PCSK5: variants seen among roughly 807,000 people sequenced by gnomAD.
PCSK5 encodes the protein prohormone convertase 5.
A neutral mutation model predicts 233.2 loss-of-function variants in PCSK5; 129 were observed. The observed-to-expected ratio is 0.55, with a 90% confidence interval of 0.48 to 0.64. The LOEUF (loss-of-function observed/expected upper bound fraction) is 0.64. Among genes scored for constraint, PCSK5 ranks in the 30% least tolerant of loss-of-function variants. The pLI, the probability that PCSK5 is intolerant of heterozygous loss-of-function variation, is 0.00. For missense variants in PCSK5, 2,076 were observed against 2,430.1 expected (o/e 0.85, Z 3.06); for synonymous variants, 825 against 879.2 (o/e 0.94, Z 1.09).
chr9:76,323,418 C>G, intron 32 of PCSK5, 130 bp downstream of exon 32: 1 of 623,550 alleles, frequency 1.6e-6, no homozygotes, highest in South Asian at 2.0e-5. Flanking sequence ...AGGTCTCCCT[C>G]TATTGCCCAG....
At position 76,354,047 on chromosome 9, in the gene PCSK5, CTG is replaced by C; in HGVS notation, c.5085_5086del (p.Cys1695Ter). On this transcript the variant is annotated frameshift_variant, in exon 37 of 38. Coordinates refer to ENST00000674117, the MANE Select transcript of PCSK5 (RefSeq NM_001372043.1). LOFTEE classifies it high-confidence loss of function. ...GCTCTTAACAGGGAGAGAAGTTTAA[CTG>C]TGAAAAATGCCACGAGAGCTGCATG... ...YRVGEGEKFN[C>X]EKCHESCMEC... 1 of 1,609,000 alleles carries C rather than the reference CTG, an allele frequency of 6.2e-7. No individual in the cohort carries two copies.
In PCSK5 at chr9:75,930,140, G is replaced by C. The variant is rs1823714092; in HGVS notation, c.193-2239G>C. Among the ~76,000 whole-genome samples, 5 of 152,144 alleles carry C rather than the reference G, an allele frequency of 3.3e-5. No homozygotes were observed. The South Asian group carries it at 1.0e-3, about 32-fold the overall frequency. On this transcript the variant is annotated intron_variant, in intron 1 of 37. Transcript: ENST00000674117. ...GGCCTCCCAAAGTGCTAGGGTTATA[G>C]GCATGAGCCACTGTGCCCAGCTGAT...
intron 15 of PCSK5, among the ~76,000 whole-genome samples, chr9:76,179,922 T>C (rs1042161815): frequency 1.3e-5 from 2 of 151,844 alleles, no homozygotes; most frequent in African/African-American, 2.4e-5. Context: ...TGTGCATGTA[T>C]GCTGTGAAAC....
At chr9:75,897,491 T>TTC (rs1476498735) in intron 1 of PCSK5, among the ~76,000 whole-genome samples, 2 of 141,148 alleles carry the variant, frequency 1.4e-5, no homozygotes, top group South Asian at 2.2e-4. Flanking sequence ...TTTCTTTTCT[T>TTC]TTTTTTTTTT....
chr9:76,156,797 C>T (rs1431698071), intron 10 of PCSK5, among the ~76,000 whole-genome samples: 1 of 152,086 alleles, frequency 6.6e-6, no homozygotes, highest in Non-Finnish European at 1.5e-5. Flanking sequence ...TAGACTAGTG[C>T]CTGGCATGGA....
chr9:75,985,255 A>C (rs1239321041), intron 2 of PCSK5, among the ~76,000 whole-genome samples: 1 of 152,138 alleles, frequency 6.6e-6, no homozygotes, highest in Non-Finnish European at 1.5e-5. Context: ...TCCCATACAC[A>C]CCCCTACCAC....
chr9:75,968,344 C>T (rs749846012), intron 2 of PCSK5, among the ~76,000 whole-genome samples: 1 of 152,216 alleles, frequency 6.6e-6, no homozygotes, highest in South Asian at 2.1e-4. Flanking sequence ...CCTGTTATAT[C>T]GCTCGCGCGT....
chr9:76,188,904 C>T (rs1824231021), intron 18 of PCSK5, among the ~76,000 whole-genome samples, 190 bp from the exon 19 acceptor site: 1 of 152,218 alleles, frequency 6.6e-6, no homozygotes, highest in Admixed American at 6.5e-5. Context: ...TTTCAAAAGA[C>T]AGTGAATGTT....
At chr9:76,034,912 T>C (rs982432649) in intron 5 of PCSK5, among the ~76,000 whole-genome samples, 1 of 152,184 alleles carries the variant, frequency 6.6e-6, no homozygotes, top group Non-Finnish European at 1.5e-5. Context: ...CGAATTGAAG[T>C]TGCTGACCGA....
rs113455831 is a variant in PCSK5, at chr9:75,903,576, A to G, written c.192+12203A>G. Among the ~76,000 whole-genome samples, 321 of 66,782 alleles carry G rather than the reference A, an allele frequency of 4.8e-3. 5 individuals are homozygous for G. The highest frequency in any genetic ancestry group is 0.028 in the African/African-American group (238 of 8,592). The allele number at this position is 66,782 out of a possible 152,430, so 43.8% of individuals were successfully genotyped here. A position where few individuals can be genotyped will look rare whatever the true frequency, so the allele number is the denominator to read the frequency against. On this transcript the variant is annotated intron_variant, in intron 1 of 37. Transcript: ENST00000674117. ...TGTGTGTATATATGTGTGTGTGTGTATATATATATATAAAATATATATTAT... is the reference window on the plus strand; with the variant it reads ...TGTGTGTATATATGTGTGTGTGTGTGTATATATATATAAAATATATATTAT...
intron 8 of PCSK5, among the ~76,000 whole-genome samples, chr9:76,098,531 G>A (rs113339980): frequency 2.5e-3 from 382 of 152,282 alleles, no homozygotes; most frequent in African/African-American, 8.9e-3. Flanking sequence ...GTCCTGCATC[G>A]TGAAATTCCT....
In PCSK5 at chr9:76,194,726, T is replaced by TA. The variant is rs766329576; in HGVS notation, c.2626+4981dup. ...AGTGGCCAGAAACGATGAAATCTTA[T>TA]AGATCTTTTGACAGTTTCTCTGTTT... On this transcript the variant is annotated intron_variant, in intron 20 of 37. Coordinates refer to ENST00000674117, the MANE Select transcript of PCSK5 (RefSeq NM_001372043.1). The TA allele has an allele frequency of 1.5e-5, 7 of 463,296 alleles. No homozygotes were observed. The East Asian group carries it at 3.6e-4, about 24-fold the overall frequency. 28.7% of individuals were successfully genotyped at this position (463,296 alleles called of 1,614,324 possible).
At chr9:75,891,531 GCACA>G (rs34768107) in intron 1 of PCSK5, among the ~76,000 whole-genome samples, 158 bp downstream of exon 1, 17,311 of 148,582 alleles carry the variant, frequency 0.12, 1,125 homozygotes, top group African/African-American at 0.18. Flanking sequence ...GCGCGCGTAC[GCACA>G]CACACACACA....
chr9:76,204,071 G>T (rs1292836324), intron 20 of PCSK5, among the ~76,000 whole-genome samples: 1 of 152,148 alleles, frequency 6.6e-6, no homozygotes, highest in East Asian at 1.9e-4. Flanking sequence ...AAACATGTTG[G>T]TTACTAATAT....
intron 10 of PCSK5, among the ~76,000 whole-genome samples, chr9:76,150,038 A>G (rs143732380): frequency 6.6e-6 from 1 of 152,334 alleles, no homozygotes; most frequent in East Asian, 1.9e-4. Context: ...TTGTGTGTGT[A>G]TATATAAACA....
rs1830151603 is a variant in PCSK5, at chr9:76,351,522, AAGAAAGAAAGGAAGGAAAGAAAG to A, written c.5067+603_5067+625del. On this transcript the variant is annotated intron_variant, in intron 36 of 37. Coordinates refer to ENST00000674117, the MANE Select transcript of PCSK5 (RefSeq NM_001372043.1). Reference sequence around the variant, plus strand: ...AAAGAAAGAAAGAAAGAAAGAAAGAAAGAAAGAAAGGAAGGAAAGAAAGAGAAAGAAGAGAGAGAGAGAAGGAA... The same window carrying A: ...AAAGAAAGAAAGAAAGAAAGAAAGAAAGAAAGAAGAGAGAGAGAGAAGGAA... Among the ~76,000 whole-genome samples the A allele has an allele frequency of 1.5e-5, 2 of 130,276 alleles. 1 individual carries two copies. Among genetic ancestry groups the A allele is most frequent in the Non-Finnish European group, 3.3e-5 (2 of 61,180 alleles). The allele number at this position is 130,276 out of a possible 152,430, so 85.5% of individuals were successfully genotyped here. A position where few individuals can be genotyped will look rare whatever the true frequency, so the allele number is the denominator to read the frequency against.
rs1245071603 is a variant in PCSK5 at position 76,189,764 on chromosome 9, T to C, written c.2626+18T>C. ...CAAGGATGGTGAGTACAACTGCCCA[T>C]ATCGATCTTATGAAGCAAAGTATGA... On this transcript the variant is annotated intron_variant, in intron 20 of 37. Coordinates refer to ENST00000674117, the MANE Select transcript of PCSK5 (RefSeq NM_001372043.1). 1.6e-6 allele frequency: 2 copies of C among 1,246,662 alleles called. No homozygotes were observed. The highest frequency in any genetic ancestry group is 1.2e-5 in the South Asian group (1 of 81,026). The allele number at this position is 1,246,662 out of a possible 1,614,324, so 77.2% of individuals were successfully genotyped here.
chr9:76,185,691 G>C (rs1280812100), intron 17 of PCSK5, among the ~76,000 whole-genome samples: 2 of 152,122 alleles, frequency 1.3e-5, no homozygotes, highest in African/African-American at 2.4e-5. Context: ...ATTCTTCTTG[G>C]AGAAGGAGCA....
At chr9:76,019,314 T>C (rs1312874512) in intron 3 of PCSK5, among the ~76,000 whole-genome samples, 1 of 152,174 alleles carries the variant, frequency 6.6e-6, no homozygotes, top group African/African-American at 2.4e-5. Flanking sequence ...CAAAGAATTT[T>C]GAGTATATGT....
Sources: gnomAD v4.1 joint callset for allele counts (sites outside exome capture counted in the v4.1 genomes callset) on GRCh38, gnomAD v4.1.1 for gene constraint, MANE v1.5 for transcripts, NCBI Gene and HGNC (gene_info 2026-07-23, HGNC 2026-07-21) for gene names.